RBFOX1: variants seen among roughly 807,000 people sequenced by gnomAD.
The protein encoded by RBFOX1 is RNA binding protein fox-1 homolog 1.
Under a neutral mutation model 57.7 loss-of-function variants are expected in RBFOX1, and 8 were observed. The ratio of observed to expected loss-of-function variants is 0.14; its 90% CI spans 0.08 to 0.25. The LOEUF (loss-of-function observed/expected upper bound fraction) is 0.25, where lower values mean the gene tolerates loss of function less well. Among genes scored for constraint, RBFOX1 ranks in the 10% least tolerant of loss-of-function variants. The probability of loss-of-function intolerance (pLI) is 1.00; values close to 1 mark genes in which losing one functional copy is unlikely to be tolerated. For missense variants in RBFOX1, 611 were observed against 548.5 expected, an observed-to-expected ratio of 1.11 and a Z score of -1.14; for synonymous variants, 326 against 222.4, an observed-to-expected ratio of 1.47 and a Z score of -4.15.
At chr16:6,522,910 T>G (rs1200158636) in intron 2 of RBFOX1, among the ~76,000 whole-genome samples, 1 of 152,142 alleles carries the variant, frequency 6.6e-6, no homozygotes, top group Non-Finnish European at 1.5e-5. Flanking sequence ...TAAGTTCATT[T>G]TGGACTCGGG....
At chr16:7,003,629 G>C (rs903638471) in intron 3 of RBFOX1, among the ~76,000 whole-genome samples, 1 of 152,092 alleles carries the variant, frequency 6.6e-6, no homozygotes, top group African/African-American at 2.4e-5. Flanking sequence ...GGAAAGTTTT[G>C]TTAGCTATAA....
At chr16:6,368,392 C>T (rs527838421) in intron 2 of RBFOX1, among the ~76,000 whole-genome samples, 1 of 152,148 alleles carries the variant, frequency 6.6e-6, no homozygotes, top group Non-Finnish European at 1.5e-5. Flanking sequence ...CTGATCTAAC[C>T]ACTGCCACAC....
At chr16:7,042,988 G>C (rs2046676753) in intron 3 of RBFOX1, among the ~76,000 whole-genome samples, 1 of 152,092 alleles carries the variant, frequency 6.6e-6, no homozygotes, top group Admixed American at 6.5e-5. Flanking sequence ...AGTTAAAATT[G>C]AGCAAAACCT....
intron 3 of RBFOX1, among the ~76,000 whole-genome samples, chr16:5,746,418 G>A (rs1218340659): frequency 6.6e-6 from 1 of 152,182 alleles, no homozygotes; most frequent in Admixed American, 6.5e-5. Flanking sequence ...TCTTGGCAAT[G>A]CGGGCTCTTT....
At chr16:5,549,814 A>G (rs1041294161) in intron 2 of RBFOX1, among the ~76,000 whole-genome samples, 15 of 152,204 alleles carry the variant, frequency 9.9e-5, no homozygotes, top group African/African-American at 3.6e-4. Flanking sequence ...GAAGGAATGT[A>G]GTTTGTGAGT....
chr16:7,044,268 T>C (rs906527071), intron 3 of RBFOX1, among the ~76,000 whole-genome samples: 3 of 152,190 alleles, frequency 2.0e-5, no homozygotes, highest in Non-Finnish European at 4.4e-5. Context: ...TACTCATCTC[T>C]AGAAAAGGAA....
At chr16:7,311,478 C>CTTTTTTTTTTTTTTTTTTTTT (rs1190746565) in intron 4 of RBFOX1, among the ~76,000 whole-genome samples, 3 of 122,518 alleles carry the variant, frequency 2.4e-5, no homozygotes, top group African/African-American at 3.1e-5. Context: ...TGAGCCTTTT[C>CTTTTTTTTTTTTTTTTTTTTT]TTTTTTTTTT....
intron 4 of RBFOX1, among the ~76,000 whole-genome samples, chr16:7,345,725 G>A (rs953036779): frequency 1.3e-5 from 2 of 152,210 alleles, no homozygotes; most frequent in Non-Finnish European, 2.9e-5. Context: ...TGAGGATAAT[G>A]CAGAGCATAT....
chr16:6,900,944 TAGA>T (rs2153409751), intron 3 of RBFOX1, among the ~76,000 whole-genome samples: 1 of 152,312 alleles, frequency 6.6e-6, no homozygotes, highest in African/African-American at 2.4e-5. Flanking sequence ...AAAACATTTG[TAGA>T]AGGTGTGAAT....
At chr16:5,636,956 G>A (rs1200136126) in intron 3 of RBFOX1, among the ~76,000 whole-genome samples, 3 of 152,204 alleles carry the variant, frequency 2.0e-5, no homozygotes, top group South Asian at 2.1e-4. Flanking sequence ...ATTTGCCAGC[G>A]TGCGCTGCTA....
intron 3 of RBFOX1, among the ~76,000 whole-genome samples, chr16:6,932,922 C>A (rs992424351): frequency 6.6e-6 from 1 of 152,186 alleles, no homozygotes; most frequent in African/African-American, 2.4e-5. Flanking sequence ...CAGCCCCTGG[C>A]AACTACTATT....
At chr16:7,213,729 G>A (rs1236132177) in intron 4 of RBFOX1, among the ~76,000 whole-genome samples, 1 of 152,098 alleles carries the variant, frequency 6.6e-6, no homozygotes, top group African/African-American at 2.4e-5. Context: ...AGAAGGCTAG[G>A]GAATATGCTT....
chr16:5,545,361 A>G (rs1158310194), intron 2 of RBFOX1, among the ~76,000 whole-genome samples: 1 of 152,202 alleles, frequency 6.6e-6, no homozygotes, highest in African/African-American at 2.4e-5. Context: ...AGATTATTTT[A>G]GGAGACAGGT....
intron 3 of RBFOX1, among the ~76,000 whole-genome samples, chr16:6,692,522 T>A (rs191390298): frequency 6.6e-6 from 1 of 152,322 alleles, no homozygotes; most frequent in Non-Finnish European, 1.5e-5. Context: ...TGTGTCGGCC[T>A]CCTGGTTCCT....
At chr16:6,893,249 CAGA>C (rs1165026048) in intron 3 of RBFOX1, among the ~76,000 whole-genome samples, 1 of 152,148 alleles carries the variant, frequency 6.6e-6, no homozygotes, top group South Asian at 2.1e-4. Flanking sequence ...CAGCTTCTCC[CAGA>C]AGAACACCGT....
At chr16:7,671,488 T>C in intron 13 of RBFOX1, 1 of 1,406,716 alleles carries the variant, frequency 7.1e-7, no homozygotes, top group South Asian at 1.2e-5. Flanking sequence ...GGAATTTGTC[T>C]GACTTATGCA....
intron 4 of RBFOX1, among the ~76,000 whole-genome samples, chr16:7,140,738 G>T (rs1218307713): frequency 6.6e-6 from 1 of 152,156 alleles, no homozygotes; most frequent in East Asian, 1.9e-4. Flanking sequence ...GAGAGACGGA[G>T]ACTTGAATGA....
In RBFOX1 at chr16:5,760,540, G is replaced by A. The variant is rs3915393; in HGVS notation, c.319-106763G>A. 3.7e-3 allele frequency among the ~76,000 whole-genome samples: 560 copies of A among 152,180 alleles called. 4 individuals carry two copies. Among genetic ancestry groups the A allele is most frequent in the African/African-American group, 0.013 (538 of 41,528 alleles). Reference sequence around the variant, plus strand: ...CAACAGAGGAGAAGATAAACAAATCGTGGTGTATCCATACCACAGAACACT... The same window carrying A: ...CAACAGAGGAGAAGATAAACAAATCATGGTGTATCCATACCACAGAACACT... On this transcript the variant is annotated intron_variant, in intron 3 of 19. Coordinates refer to the RBFOX1 transcript ENST00000641259.
At chr16:7,679,497 A>C (rs1036819314) in intron 14 of RBFOX1, among the ~76,000 whole-genome samples, 2 of 152,216 alleles carry the variant, frequency 1.3e-5, no homozygotes, top group African/African-American at 4.8e-5. Flanking sequence ...ACTGGTTGTC[A>C]GTTGATCAAA....
Sources: gnomAD v4.1 joint callset for allele counts (sites outside exome capture counted in the v4.1 genomes callset) on GRCh38, gnomAD v4.1.1 for gene constraint, MANE v1.5 for transcripts, NCBI Gene and HGNC (gene_info 2026-07-23, HGNC 2026-07-21) for gene names.